Variants in SLC35F1 observed in about 807,000 individuals in gnomAD.
SLC35F1 encodes the protein solute carrier family 35 member F1.
Under a neutral mutation model 48.7 loss-of-function variants are expected in SLC35F1, and 14 were observed. The observed-to-expected ratio is 0.29, with a 90% CI of 0.19 to 0.45. SLC35F1 has a LOEUF of 0.45. Among genes scored for constraint, SLC35F1 ranks in the 20% least tolerant of loss-of-function variants. The probability of loss-of-function intolerance (pLI) is 1.00; values close to 1 mark genes in which losing one functional copy is unlikely to be tolerated. For synonymous variants in SLC35F1, 190 were observed against 202.2 expected (o/e 0.94, Z 0.51); for missense variants, 404 against 500.0 (o/e 0.81, Z 1.83).
Position 118,314,611 on chromosome 6 carries a change from G to T in SLC35F1, c.*359G>T. The T allele has an allele frequency of 3.9e-6, 1 of 256,096 alleles. No individual in the cohort carries two copies. Among genetic ancestry groups the T allele is most frequent in the African/African-American group, 2.2e-5 (1 of 46,372 alleles). The allele number at this position is 256,096 out of a possible 1,614,324, so 15.9% of individuals were successfully genotyped here. ...TTTCAGGAGGATGTTTTGTACTCCT[G>T]ATGGAAACTATTGCCAGACCCACAT... On this transcript the variant is annotated 3_prime_UTR_variant, in exon 8 of 8. Coordinates refer to ENST00000360388, the MANE Select transcript of SLC35F1 (RefSeq NM_001029858.4).
At chr6:118,063,802 C>G (rs1299868639) in intron 1 of SLC35F1, among the ~76,000 whole-genome samples, 1 of 151,784 alleles carries the variant, frequency 6.6e-6, no homozygotes, top group Non-Finnish European at 1.5e-5. Context: ...TTAACAAATG[C>G]TTGAAAAAAA....
intron 1 of SLC35F1, among the ~76,000 whole-genome samples, chr6:118,054,579 G>T (rs2114260292): frequency 6.6e-6 from 1 of 152,258 alleles, no homozygotes; most frequent in East Asian, 1.9e-4. Flanking sequence ...AAAAAAAGGT[G>T]ATGTGGGTTT....
intron 2 of SLC35F1, among the ~76,000 whole-genome samples, chr6:118,206,735 C>T (rs899329406): frequency 5.9e-5 from 9 of 152,116 alleles, no homozygotes; most frequent in Admixed American, 2.6e-4. Flanking sequence ...ATCACAGAGG[C>T]CATCTTGTTA....
At chr6:118,191,254 A>G (rs1774729553) in intron 2 of SLC35F1, among the ~76,000 whole-genome samples, 1 of 152,162 alleles carries the variant, frequency 6.6e-6, no homozygotes, top group Admixed American at 6.5e-5. Flanking sequence ...ATCAAAGTAT[A>G]AGGTTATCTA....
At chr6:118,281,344 C>A (rs528992978) in intron 6 of SLC35F1, among the ~76,000 whole-genome samples, 1 of 151,894 alleles carries the variant, frequency 6.6e-6, no homozygotes, top group African/African-American at 2.4e-5. Context: ...GTCAGGCTGC[C>A]TATGTGACCT....
intron 2 of SLC35F1, among the ~76,000 whole-genome samples, chr6:118,207,124 C>A (rs1440535238): frequency 1.3e-5 from 2 of 151,936 alleles, no homozygotes; most frequent in African/African-American, 4.8e-5. Flanking sequence ...TAAACCTAGG[C>A]AAATGTATAT....
At chr6:118,100,419 C>A (rs1773240289) in intron 1 of SLC35F1, among the ~76,000 whole-genome samples, 1 of 152,130 alleles carries the variant, frequency 6.6e-6, no homozygotes, top group Non-Finnish European at 1.5e-5. Context: ...AACTTCAGAC[C>A]AGCTGGCTAC....
chr6:118,141,237 C>T (rs960427209), intron 1 of SLC35F1, among the ~76,000 whole-genome samples: 1 of 152,026 alleles, frequency 6.6e-6, no homozygotes, highest in Non-Finnish European at 1.5e-5. Context: ...TTCACTGTAC[C>T]TTTTCTATAT....
At chr6:118,307,313 C>G (rs283045) in intron 7 of SLC35F1, among the ~76,000 whole-genome samples, 89,641 of 151,980 alleles carry the variant, frequency 0.59, 27,066 homozygotes, top group African/African-American at 0.69. Flanking sequence ...ATTATTCTTA[C>G]TCTCTAAAGA....
At chr6:118,029,875 A>G (rs546335685) in intron 1 of SLC35F1, among the ~76,000 whole-genome samples, 40 of 152,280 alleles carry the variant, frequency 2.6e-4, no homozygotes, top group Non-Finnish European at 4.6e-4. Flanking sequence ...ACAGTTTCCT[A>G]CTTACTAGGC....
chr6:118,213,471 C>T (rs971949214), intron 2 of SLC35F1, among the ~76,000 whole-genome samples: 9 of 152,058 alleles, frequency 5.9e-5, no homozygotes, highest in African/African-American at 2.2e-4. Flanking sequence ...TGTGCATATT[C>T]TATGGACCAG....
chr6:118,269,292 C>T (rs1582761847), intron 4 of SLC35F1, among the ~76,000 whole-genome samples: 1 of 152,142 alleles, frequency 6.6e-6, no homozygotes, highest in South Asian at 2.1e-4. Context: ...TTTGGTTTCT[C>T]CATGTGAATC....
intron 2 of SLC35F1, among the ~76,000 whole-genome samples, chr6:118,195,792 C>T (rs1341522121): frequency 6.6e-6 from 1 of 152,062 alleles, no homozygotes; most frequent in Non-Finnish European, 1.5e-5. Context: ...AACACAAATC[C>T]ATGGAACTCT....
At chr6:118,045,985 G>A (rs751737300) in intron 1 of SLC35F1, among the ~76,000 whole-genome samples, 7 of 152,112 alleles carry the variant, frequency 4.6e-5, no homozygotes, top group East Asian at 3.9e-4. Context: ...TCATGGAGTT[G>A]TCACTCAACC....
At chr6:118,082,010 A>T (rs1163384930) in intron 1 of SLC35F1, among the ~76,000 whole-genome samples, 1 of 152,236 alleles carries the variant, frequency 6.6e-6, no homozygotes, top group Non-Finnish European at 1.5e-5. Context: ...GTTTTTAAAG[A>T]TTCTGATGAT....
chr6:118,071,202 T>A (rs1582649972), intron 1 of SLC35F1, among the ~76,000 whole-genome samples: 1 of 145,402 alleles, frequency 6.9e-6, no homozygotes, highest in African/African-American at 2.5e-5. Context: ...ACACACATAG[T>A]ATATATATAT....
chr6:118,294,490 G>A lies in SLC35F1; in HGVS notation c.1002+9152G>A, dbSNP rs183083634. On this transcript the variant is annotated intron_variant, in intron 7 of 7. Coordinates refer to ENST00000360388, the MANE Select transcript of SLC35F1 (RefSeq NM_001029858.4). Reference sequence around the variant, plus strand: ...CCTTTTTGCCTGACATTTAAATGACGATGGCTTATTTCACACATTTACTAT... The same window carrying A: ...CCTTTTTGCCTGACATTTAAATGACAATGGCTTATTTCACACATTTACTAT... Among the ~76,000 whole-genome samples, 10 of 152,280 alleles carry A rather than the reference G, an allele frequency of 6.6e-5. No homozygotes were observed. In the East Asian group the frequency reaches 1.5e-3, roughly 24 times the overall value.
At chr6:118,285,634 C>CT (rs964868074) in intron 7 of SLC35F1, among the ~76,000 whole-genome samples, 1 of 152,204 alleles carries the variant, frequency 6.6e-6, no homozygotes. Flanking sequence ...AGAAGCTACT[C>CT]TTTTTCCAAT....
In SLC35F1 at chr6:117,914,085, CCTATCTATCTATCTATCTAT is replaced by C. The variant is rs60175681; in HGVS notation, c.173+6221_173+6240del. On this transcript the variant is annotated intron_variant, in intron 1 of 7. Transcript: ENST00000360388. ...CCCCCAAAAACAAAAACAAAAGAATCCTATCTATCTATCTATCTATCTATCTATCTATCTATCTATCTATC... is the reference window on the plus strand; with the variant it reads ...CCCCCAAAAACAAAAACAAAAGAATCCTATCTATCTATCTATCTATCTATC... 1.2e-4 allele frequency among the ~76,000 whole-genome samples: 17 copies of C among 145,260 alleles called. No individual in the cohort carries two copies. The South Asian group carries it at 1.4e-3, about 12-fold the overall frequency.
Sources: gnomAD v4.1 joint callset for allele counts (sites outside exome capture counted in the v4.1 genomes callset) on GRCh38, gnomAD v4.1.1 for gene constraint, MANE v1.5 for transcripts, NCBI Gene and HGNC (gene_info 2026-07-23, HGNC 2026-07-21) for gene names.